OR4F6: variants seen among roughly 807,000 people sequenced by gnomAD.
The protein encoded by OR4F6 is olfactory receptor family 4 subfamily F member 6.
A neutral mutation model predicts 15.9 loss-of-function variants in OR4F6; 13 were observed. That is an observed-to-expected ratio of 0.82 (90% CI 0.53 to 1.30). The LOEUF (loss-of-function observed/expected upper bound fraction) is 1.30, where lower values mean the gene tolerates loss of function less well. Ranked by LOEUF, OR4F6 falls within the 50% of genes most tolerant of loss-of-function variation. OR4F6 has a pLI of 0.00. For synonymous variants in OR4F6, 150 were observed against 133.8 expected (o/e 1.12, Z -0.83); for missense variants, 426 against 367.2 (o/e 1.16, Z -1.31).
intron 1 of OR4F6, among the ~76,000 whole-genome samples, chr15:101,805,024 T>G (rs1444463717): frequency 1.3e-5 from 2 of 152,220 alleles, no homozygotes; most frequent in East Asian, 3.8e-4. Context: ...TTGCTGATGA[T>G]AATCAGTGTG....
rs1902806953 is a variant in OR4F6 at position 101,806,413 on chromosome 15, G to A, written c.694G>A (p.Gly232Ser). ...LVTVQKKSSGGIFKAFSMLSA... is the reference protein window; with the variant it reads ...LVTVQKKSSGSIFKAFSMLSA... ...GACTGTTCAGAAAAAATCTTCAGGT[G>A]GTATATTCAAGGCTTTCTCTATGCT... Residue 232 changes from glycine (G) to serine (S), a missense_variant, in exon 2 of 2, where the codon GGT becomes AGT. By Grantham distance (56) the Gly-to-Ser change is moderately conservative. Transcript: ENST00000328882. The A allele has an allele frequency of 6.2e-7, 1 of 1,613,538 alleles. No homozygotes were observed. The highest frequency in any genetic ancestry group is 1.7e-5 in the Admixed American group (1 of 59,910).
chr15:101,803,588 C>G (rs1902749782), intron 1 of OR4F6, 43 bp downstream of exon 1: 1 of 152,178 alleles, frequency 6.6e-6, no homozygotes, highest in African/African-American at 2.4e-5. Context: ...GAGATCAGAA[C>G]TTTAAATGGA....
Position 101,806,547 on chromosome 15 carries a change from A to G in OR4F6, c.828A>G (p.Ala276=), listed in dbSNP as rs957792234. ...ATAAATTCCTTGCCATCTTTGATGCAGTTATCACTCCCGTTTTGAATCCAG... is the reference window on the plus strand; with the variant it reads ...ATAAATTCCTTGCCATCTTTGATGCGGTTATCACTCCCGTTTTGAATCCAG... ...HLDKFLAIFD[A]VITPVLNPVI... The change falls in exon 2 of 2, where the codon GCA becomes GCG. Residue 276 remains alanine (A), a synonymous_variant. Coordinates refer to ENST00000328882, the MANE Select transcript of OR4F6 (RefSeq NM_001005326.2). 8.1e-6 allele frequency: 13 copies of G among 1,613,604 alleles called. No homozygotes were observed. The African/African-American group carries it at 1.3e-4, about 17-fold the overall frequency.
At chr15:101,804,099 G>A (rs904438592) in intron 1 of OR4F6, among the ~76,000 whole-genome samples, 6 of 152,090 alleles carry the variant, frequency 3.9e-5, no homozygotes, top group African/African-American at 1.2e-4. Context: ...TTTTACAATC[G>A]TTAGCAAAGT....
chr15:101,806,451 C>T lies in OR4F6; in HGVS notation c.732C>T (p.Val244=). ...FKAFSMLSAH[V]IVVVLVFGPL... Reference sequence around the variant, plus strand: ...CTTTCTCTATGCTGTCAGCTCATGTCATTGTGGTGGTTTTGGTCTTTGGGC... The same window carrying T: ...CTTTCTCTATGCTGTCAGCTCATGTTATTGTGGTGGTTTTGGTCTTTGGGC... Residue 244 remains valine, a synonymous_variant, in exon 2 of 2, where the codon GTC becomes GTT. Coordinates refer to ENST00000328882, the MANE Select transcript of OR4F6 (RefSeq NM_001005326.2). 1.2e-6 allele frequency: 2 copies of T among 1,613,482 alleles called. No individual in the cohort carries two copies. The highest frequency in any genetic ancestry group is 1.7e-6 in the Non-Finnish European group (2 of 1,179,816).
chr15:101,805,132 A>G (rs957513404), intron 1 of OR4F6, among the ~76,000 whole-genome samples: 3 of 152,220 alleles, frequency 2.0e-5, no homozygotes, highest in African/African-American at 7.2e-5. Context: ...TAATTTGAAG[A>G]CATGTTGAAG....
In OR4F6 at chr15:101,806,776, CT is replaced by C. The variant is rs529285518; in HGVS notation, c.*126del. On this transcript the variant is annotated 3_prime_UTR_variant, in exon 2 of 2. Transcript: ENST00000328882. ...TTTCTACTAGTATGTATTGTGTTGT[CT>C]TTTTTTTCTTCCCAAATTGAATTGT... The C allele has an allele frequency of 3.6e-3, 2,018 of 565,132 alleles. 28 individuals are homozygous for C. Among genetic ancestry groups the C allele is most frequent in the African/African-American group, 0.035 (1,838 of 52,450 alleles). The allele number at this position is 565,132 out of a possible 1,614,324, so 35.0% of individuals were successfully genotyped here.
rs1453369093 is a variant in OR4F6, at chr15:101,806,492, A to G, written c.773A>G (p.Tyr258Cys). ...GTCTTTGGGCCATTAATCTTTTTCT[A>G]TATTTTTCCATTTCCCACATCACAT... ...VLVFGPLIFF[Y>C]IFPFPTSHLD... The change falls in exon 2 of 2, where the codon TAT becomes TGT. Residue 258 changes from tyrosine (Y) to cysteine (C), a missense_variant. Transcript: ENST00000328882. 1.2e-6 allele frequency: 2 copies of G among 1,613,764 alleles called. No homozygotes were observed. The highest frequency in any genetic ancestry group is 2.2e-5 in the South Asian group (2 of 90,954).
chr15:101,805,821 CTA>C lies in OR4F6; in HGVS notation c.104_105del (p.Tyr35CysfsTer17). The C allele has an allele frequency of 6.2e-7, 1 of 1,614,062 alleles. No homozygotes were observed. The highest frequency in any genetic ancestry group is 2.2e-5 in the East Asian group (1 of 44,880). On this transcript the variant is annotated frameshift_variant, in exon 2 of 2. Coordinates refer to ENST00000328882, the MANE Select transcript of OR4F6 (RefSeq NM_001005326.2). LOFTEE classifies it high-confidence loss of function. ...LLLFLFFSVF[Y>X]VSSLMGNLLI... Reference sequence around the variant, plus strand: ...TCCTCTTCCTCTTTTTCTCAGTGTTCTATGTGTCAAGCCTGATGGGAAATCTC... The same window carrying C: ...TCCTCTTCCTCTTTTTCTCAGTGTTCTGTGTCAAGCCTGATGGGAAATCTC...
intron 1 of OR4F6, among the ~76,000 whole-genome samples, chr15:101,805,419 G>A (rs1902779414): frequency 6.6e-6 from 1 of 152,108 alleles, no homozygotes. Context: ...GTGAAGACAT[G>A]AGCTGAAGTG....
In OR4F6 at chr15:101,806,065, A is replaced by G. The variant is rs778029878; in HGVS notation, c.346A>G (p.Ile116Val). 14 of 1,614,030 alleles carry G rather than the reference A, an allele frequency of 8.7e-6. No homozygotes were observed. Among genetic ancestry groups the G allele is most frequent in the Non-Finnish European group, 1.2e-5 (14 of 1,180,008 alleles). ...TGGGGGAACTGAGATGGTGCTGCTCATAGCCATGGCTTTTGACCGATATGT... is the reference window on the plus strand; with the variant it reads ...TGGGGGAACTGAGATGGTGCTGCTCGTAGCCATGGCTTTTGACCGATATGT... The part of the protein sequence containing the change: ...AVGGTEMVLL[I>V]AMAFDRYVAI... The change falls in exon 2 of 2, where the codon ATA (isoleucine) becomes GTA (valine). Residue 116 changes from isoleucine (I) to valine (V), a missense_variant. Coordinates refer to ENST00000328882, the MANE Select transcript of OR4F6 (RefSeq NM_001005326.2).
In OR4F6 at chr15:101,806,662, T is replaced by C; in HGVS notation, c.*4T>C. The C allele has an allele frequency of 6.6e-7, 1 of 1,508,260 alleles. No homozygotes were observed. Among genetic ancestry groups the C allele is most frequent in the Non-Finnish European group, 8.9e-7 (1 of 1,122,506 alleles). The allele number at this position is 1,508,260 out of a possible 1,614,324, so 93.4% of individuals were successfully genotyped here. On this transcript the variant is annotated 3_prime_UTR_variant, in exon 2 of 2. Coordinates refer to ENST00000328882, the MANE Select transcript of OR4F6 (RefSeq NM_001005326.2). ...GAATTACAGTAAAATCTTTTAAATA[T>C]ATTGAGAATATACAAAAAGGCAAAT...
chr15:101,806,547 A>C lies in OR4F6; in HGVS notation c.828A>C (p.Ala276=). Residue 276 remains alanine (A), a synonymous_variant, in exon 2 of 2, where the codon GCA becomes GCC. Transcript: ENST00000328882. ...HLDKFLAIFD[A]VITPVLNPVI... ...ATAAATTCCTTGCCATCTTTGATGC[A>C]GTTATCACTCCCGTTTTGAATCCAG... The C allele has an allele frequency of 6.2e-7, 1 of 1,613,722 alleles. No homozygotes were observed. Among genetic ancestry groups the C allele is most frequent in the Non-Finnish European group, 8.5e-7 (1 of 1,179,712 alleles).
chr15:101,804,059 CT>C (rs1168164076), intron 1 of OR4F6, among the ~76,000 whole-genome samples: 8 of 152,166 alleles, frequency 5.3e-5, no homozygotes, highest in East Asian at 1.9e-4. Context: ...CTCTTTGTAC[CT>C]TGGTTTTCTT....
At position 101,805,781 on chromosome 15, in the gene OR4F6, G is replaced by A. The variant is rs761553791; in HGVS notation, c.62G>A (p.Arg21Gln). The A allele has an allele frequency of 9.9e-6, 16 of 1,614,044 alleles. No homozygotes were observed. Among genetic ancestry groups the A allele is most frequent in the Middle Eastern group, 1.7e-4 (1 of 6,060 alleles). The change falls in exon 2 of 2, where the codon CGG becomes CAG. Residue 21 changes from arginine (R) to glutamine (Q), a missense_variant. By Grantham distance (43) the Arg-to-Gln change is conservative. Coordinates refer to ENST00000328882, the MANE Select transcript of OR4F6 (RefSeq NM_001005326.2). The part of the protein sequence containing the change: ...EFVFLGLSDS[R>Q]KIQLLLFLFF... ...GTGTTCCTGGGACTCTCTGACTCGC[G>A]GAAGATCCAGCTCCTCCTCTTCCTC...
At position 101,806,654 on chromosome 15, in the gene OR4F6, T is replaced by C; in HGVS notation, c.935T>C (p.Phe312Ser). 1 of 1,541,756 alleles carries C rather than the reference T, an allele frequency of 6.5e-7. No homozygotes were observed. Among genetic ancestry groups the C allele is most frequent in the Non-Finnish European group, 8.8e-7 (1 of 1,142,604 alleles). Residue 312 changes from phenylalanine (F) to serine (S), a missense_variant, in exon 2 of 2, where the codon TTT (phenylalanine) becomes TCT (serine). Physicochemically the swap from Phe to Ser is radical, Grantham distance 155. Coordinates refer to ENST00000328882, the MANE Select transcript of OR4F6 (RefSeq NM_001005326.2). ...CSQFVNYSKI[F>S] is the part of the protein sequence containing the mutation. Reference sequence around the variant, plus strand: ...CAGTTTGTGAATTACAGTAAAATCTTTTAAATATATTGAGAATATACAAAA... The same window carrying C: ...CAGTTTGTGAATTACAGTAAAATCTCTTAAATATATTGAGAATATACAAAA...
chr15:101,806,507 C>A lies in OR4F6; in HGVS notation c.788C>A (p.Pro263His). The A allele has an allele frequency of 6.2e-7, 1 of 1,613,882 alleles. No individual in the cohort carries two copies. Reference sequence around the variant, plus strand: ...ATCTTTTTCTATATTTTTCCATTTCCCACATCACATCTTGATAAATTCCTT... The same window carrying A: ...ATCTTTTTCTATATTTTTCCATTTCACACATCACATCTTGATAAATTCCTT... ...PLIFFYIFPF[P>H]TSHLDKFLAI... The change falls in exon 2 of 2, where the codon CCC (proline) becomes CAC (histidine). Residue 263 changes from proline to histidine, a missense_variant. By Grantham distance (77) the Pro-to-His change is moderately conservative. Coordinates refer to ENST00000328882, the MANE Select transcript of OR4F6 (RefSeq NM_001005326.2).
chr15:101,806,018 A>G lies in OR4F6; in HGVS notation c.299A>G (p.Gln100Arg). The G allele has an allele frequency of 6.2e-7, 1 of 1,614,162 alleles. No homozygotes were observed. The highest frequency in any genetic ancestry group is 8.5e-7 in the Non-Finnish European group (1 of 1,180,022). The change falls in exon 2 of 2, where the codon CAG (glutamine) becomes CGG (arginine). Residue 100 changes from glutamine to arginine, a missense_variant. By Grantham distance (43) the Gln-to-Arg change is conservative. Coordinates refer to ENST00000328882, the MANE Select transcript of OR4F6 (RefSeq NM_001005326.2). ...KTISFGGCVV[Q>R]IFFIHAVGGT... ...ATCTCTTTTGGGGGCTGTGTAGTTCAGATCTTCTTTATCCATGCAGTTGGG... is the reference window on the plus strand; with the variant it reads ...ATCTCTTTTGGGGGCTGTGTAGTTCGGATCTTCTTTATCCATGCAGTTGGG...
rs551490596 is a variant in OR4F6, at chr15:101,804,045, T to G, written c.-34+500T>G. Among the ~76,000 whole-genome samples the G allele has an allele frequency of 3.1e-4, 47 of 152,364 alleles. 1 individual carries two copies. Among genetic ancestry groups the G allele is most frequent in the African/African-American group, 1.1e-3 (45 of 41,592 alleles). ...GTTCTGGAGCTTTAGCCGAGTCATTTACCCTCTTTGTACCTTGGTTTTCTT... is the reference window on the plus strand; with the variant it reads ...GTTCTGGAGCTTTAGCCGAGTCATTGACCCTCTTTGTACCTTGGTTTTCTT... On this transcript the variant is annotated intron_variant, in intron 1 of 1. Coordinates refer to ENST00000328882, the MANE Select transcript of OR4F6 (RefSeq NM_001005326.2).
Sources: allele counts gnomAD v4.1 joint callset (sites outside exome capture counted in the v4.1 genomes callset), GRCh38; gene constraint gnomAD v4.1.1; transcripts MANE v1.5; gene names NCBI Gene and HGNC (gene_info 2026-07-23, HGNC 2026-07-21).